The following SLC71A2 variants were observed in gnomAD, a reference collection of about 807,000 sequenced individuals.
SLC71A2 encodes the protein hippocampus abundant transcript-like 1.
the SLC71A2 span, among the ~76,000 whole-genome samples, chr9:94,443,162 C>T: frequency 1.3e-5 from 2 of 152,076 alleles, no homozygotes; most frequent in Non-Finnish European, 2.9e-5. Context: ...GACTTAATTA[C>T]CCTCTCCAGC....
the SLC71A2 span, among the ~76,000 whole-genome samples, chr9:94,379,989 T>C: frequency 6.6e-6 from 1 of 152,216 alleles, no homozygotes; most frequent in Admixed American, 6.5e-5. Flanking sequence ...CAGTTTCAGC[T>C]GGACGCGGTG....
At chr9:94,441,068 A>G in the SLC71A2 span, 2 of 1,609,444 alleles carry the variant, frequency 1.2e-6, no homozygotes, top group East Asian at 4.5e-5. Context: ...GATGTCACTC[A>G]GGAGCACGAG....
At chr9:94,421,520 C>T in the SLC71A2 span, among the ~76,000 whole-genome samples, 1 of 152,108 alleles carries the variant, frequency 6.6e-6, no homozygotes, top group Non-Finnish European at 1.5e-5. Flanking sequence ...TATGTAGCAA[C>T]ATTTCATTGT....
At chr9:94,442,589 G>A in the SLC71A2 span, among the ~76,000 whole-genome samples, 2 of 152,148 alleles carry the variant, frequency 1.3e-5, no homozygotes, top group Non-Finnish European at 2.9e-5. Context: ...GGTGGCTCAC[G>A]CCTGTAATCT....
the SLC71A2 span, among the ~76,000 whole-genome samples, chr9:94,410,493 TG>T: frequency 2.0e-5 from 3 of 151,954 alleles, no homozygotes; most frequent in African/African-American, 7.3e-5. Context: ...TCCAAATAGC[TG>T]GGACTACAGG....
chr9:94,400,241 A>G, the SLC71A2 span, among the ~76,000 whole-genome samples: 1 of 152,290 alleles, frequency 6.6e-6, no homozygotes, highest in South Asian at 2.1e-4. Flanking sequence ...ACTATGTGTG[A>G]GGAAAACAGC....
At chr9:94,413,804 T>C in the SLC71A2 span, among the ~76,000 whole-genome samples, 2 of 152,356 alleles carry the variant, frequency 1.3e-5, no homozygotes, top group South Asian at 4.1e-4. Flanking sequence ...GTGTGTCTCA[T>C]GCTTCTGCAG....
At chr9:94,430,978 A>G in the SLC71A2 span, among the ~76,000 whole-genome samples, 12 of 152,178 alleles carry the variant, frequency 7.9e-5, no homozygotes, top group African/African-American at 2.4e-4. Flanking sequence ...GATAATGTCA[A>G]TCTATGCATA....
the SLC71A2 span, among the ~76,000 whole-genome samples, chr9:94,387,542 G>A: frequency 6.6e-6 from 1 of 152,146 alleles, no homozygotes; most frequent in Non-Finnish European, 1.5e-5. Context: ...TGATAGAGCA[G>A]TGCATGATTT....
chr9:94,436,782 AT>A, the SLC71A2 span, among the ~76,000 whole-genome samples: 2 of 152,066 alleles, frequency 1.3e-5, no homozygotes, highest in African/African-American at 4.8e-5. Context: ...TTTCTTTCCA[AT>A]TATGTGAACG....
chr9:94,403,144 CTTTCCA>C, the SLC71A2 span, among the ~76,000 whole-genome samples: 16 of 152,048 alleles, frequency 1.1e-4, no homozygotes, highest in African/African-American at 2.7e-4. Context: ...CTTTCCTTTC[CTTTCCA>C]TTTCCATTTC....
At chr9:94,417,851 CCACCCCA>C in the SLC71A2 span, among the ~76,000 whole-genome samples, 418 of 32,502 alleles carry the variant, frequency 0.013, no homozygotes, top group Middle Eastern at 0.042. Flanking sequence ...AGGCAAGTTC[CCACCCCA>C]CCCCCCCCCC....
the SLC71A2 span, chr9:94,456,320 CAG>C: frequency 6.2e-7 from 1 of 1,613,924 alleles, no homozygotes; most frequent in South Asian, 1.1e-5. Context: ...TCTCGGAATG[CAG>C]AGTCAGATCA....
the SLC71A2 span, among the ~76,000 whole-genome samples, chr9:94,395,533 C>G: frequency 6.6e-5 from 10 of 152,132 alleles, no homozygotes; most frequent in Non-Finnish European, 1.3e-4. Context: ...ATTTGCTCTT[C>G]CCAGTGTGCT....
the SLC71A2 span, among the ~76,000 whole-genome samples, chr9:94,427,005 T>C: frequency 2.0e-5 from 3 of 152,322 alleles, no homozygotes; most frequent in African/African-American, 7.2e-5. Context: ...CTGGCTAAGC[T>C]TGAGATTTTT....
At chr9:94,422,918 T>A in the SLC71A2 span, among the ~76,000 whole-genome samples, 1 of 146,976 alleles carries the variant, frequency 6.8e-6, no homozygotes, top group African/African-American at 2.5e-5. Flanking sequence ...TTCCTTATTC[T>A]TGGATTGTCT....
At chr9:94,390,139 A>G in the SLC71A2 span, among the ~76,000 whole-genome samples, 5 of 152,080 alleles carry the variant, frequency 3.3e-5, no homozygotes, top group East Asian at 9.7e-4. Context: ...GCGTGAACCC[A>G]GGAGGCGGAG....
chr9:94,408,311 CT>C, the SLC71A2 span, among the ~76,000 whole-genome samples: 1 of 152,126 alleles, frequency 6.6e-6, no homozygotes, highest in African/African-American at 2.4e-5. Flanking sequence ...GACTTAACCC[CT>C]TTGTAAGTCG....
chr9:94,374,933 C>A, the SLC71A2 span: 3 of 1,263,222 alleles, frequency 2.4e-6, no homozygotes, highest in Non-Finnish European at 3.0e-6. Flanking sequence ...CCTGGGTGAG[C>A]GCGGGCGCGG....
Sources: gnomAD v4.1 joint callset for allele counts (sites outside exome capture counted in the v4.1 genomes callset) on GRCh38, gnomAD v4.1.1 for gene constraint, MANE v1.5 for transcripts, NCBI Gene and HGNC (gene_info 2026-07-23, HGNC 2026-07-21) for gene names.